The following YWHAB variants were observed in gnomAD, a reference collection of about 807,000 sequenced individuals.
YWHAB encodes 14-3-3 protein beta/alpha.
YWHAB carries 2 observed loss-of-function variants against 28.5 expected under a neutral mutation model. The observed-to-expected ratio is 0.07, with a 90% CI of 0.03 to 0.22. The LOEUF is 0.22. YWHAB is among the 10% of genes least tolerant of loss of function. YWHAB has a pLI of 1.00. For missense variants in YWHAB, 148 were observed against 297.1 expected (o/e 0.50, Z 3.69); for synonymous variants, 103 against 104.7 (o/e 0.98, Z 0.10).
intron 1 of YWHAB, among the ~76,000 whole-genome samples, chr20:44,888,870 C>A (rs532500952): frequency 9.1e-4 from 139 of 152,232 alleles, no homozygotes; most frequent in African/African-American, 3.2e-3. Context: ...GTTTATCTTA[C>A]GACTTCATCA....
rs116900913 is a variant in YWHAB, at chr20:44,895,777, A to G, written c.-3-5754A>G. On this transcript the variant is annotated intron_variant, in intron 1 of 5. Transcript: ENST00000353703. The stretch of plus-strand genomic sequence containing the variant: ...CTGCCATGCCTGACTGGAAGAGTGA[A>G]TTACTCTTTGAATTTCAGAGGGCAC... Among the ~76,000 whole-genome samples the G allele has an allele frequency of 4.1e-4, 63 of 152,342 alleles. No homozygotes were observed. In the East Asian group the frequency reaches 0.012, roughly 28 times the overall value.
At chr20:44,889,853 C>T (rs1026937781) in intron 1 of YWHAB, among the ~76,000 whole-genome samples, 1 of 152,158 alleles carries the variant, frequency 6.6e-6, no homozygotes, top group Non-Finnish European at 1.5e-5. Flanking sequence ...CTTAAGTGAG[C>T]ATTGGAGTTC....
chr20:44,889,912 TTTAAAA>T (rs1444695834), intron 1 of YWHAB, among the ~76,000 whole-genome samples: 1 of 152,138 alleles, frequency 6.6e-6, no homozygotes, highest in Non-Finnish European at 1.5e-5. Context: ...GAGCATTAAT[TTTAAAA>T]TTAATGTTGG....
intron 1 of YWHAB, among the ~76,000 whole-genome samples, chr20:44,894,433 TA>T (rs960248584): frequency 6.6e-6 from 1 of 152,196 alleles, no homozygotes; most frequent in Non-Finnish European, 1.5e-5. Context: ...AGGTCTTGAT[TA>T]AAAACCATCA....
chr20:44,897,554 C>T (rs572856857), intron 1 of YWHAB, among the ~76,000 whole-genome samples: 1 of 152,268 alleles, frequency 6.6e-6, no homozygotes, highest in South Asian at 2.1e-4. Flanking sequence ...TCTCAAAGAC[C>T]TTATGGTCAA....
chr20:44,885,935 A>C (rs2066523547), intron 1 of YWHAB, 49 bp downstream of exon 1: 1 of 152,358 alleles, frequency 6.6e-6, no homozygotes, highest in Admixed American at 6.5e-5. Context: ...CCCAAACTCG[A>C]AGCCCCTCTC....
At position 44,885,739 on chromosome 20, in the gene YWHAB, C is replaced by G. The variant is rs139992012; in HGVS notation, c.-151C>G. On this transcript the variant is annotated 5_prime_UTR_variant, in exon 1 of 6. Coordinates refer to ENST00000353703, the MANE Select transcript of YWHAB (RefSeq NM_139323.4). ...GCTACCGCCACCGCCGCCGCCGATT[C>G]CGGAGCCGGGGTAGTCGCCGCCGCC... 1,868 of 175,754 alleles carry G rather than the reference C, an allele frequency of 0.011. 12 individuals carry two copies. The highest frequency in any genetic ancestry group is 0.016 in the Non-Finnish European group (1,358 of 86,560). The allele number at this position is 175,754 out of a possible 1,614,324, so 10.9% of individuals were successfully genotyped here. A position where few individuals can be genotyped will look rare whatever the true frequency, so the allele number is the denominator to read the frequency against.
intron 1 of YWHAB, among the ~76,000 whole-genome samples, chr20:44,895,101 A>G (rs2066588280): frequency 6.6e-6 from 1 of 152,252 alleles, no homozygotes; most frequent in African/African-American, 2.4e-5. Context: ...GGCTATAAGT[A>G]TATTCAGAGT....
At chr20:44,893,086 C>T (rs2066572954) in intron 1 of YWHAB, among the ~76,000 whole-genome samples, 1 of 152,128 alleles carries the variant, frequency 6.6e-6, no homozygotes. Flanking sequence ...AATGGATTAG[C>T]AGTAGGTAGT....
rs756407085 is a variant in YWHAB, at chr20:44,906,099, A to G, written c.684+3A>G. 6.2e-7 allele frequency: 1 copy of G among 1,606,542 alleles called. No individual in the cohort carries two copies. The highest frequency in any genetic ancestry group is 1.1e-5 in the South Asian group (1 of 90,880). ...AGTTACTTAGGGACAATCTCACTGTAAGTACTACTTCCACAGGGTTTATAG... is the reference window on the plus strand; with the variant it reads ...AGTTACTTAGGGACAATCTCACTGTGAGTACTACTTCCACAGGGTTTATAG... On this transcript the variant is annotated splice_donor_region_variant and intron_variant, in intron 5 of 5. Coordinates refer to ENST00000353703, the MANE Select transcript of YWHAB (RefSeq NM_139323.4).
rs1183489945 is a variant in YWHAB, at chr20:44,904,016, T to C, written c.324T>C (p.Ile108=). The C allele has an allele frequency of 3.1e-6, 5 of 1,597,586 alleles. No homozygotes were observed. In the African/African-American group the frequency reaches 6.8e-5, roughly 22 times the overall value. The change falls in exon 3 of 6, where the codon ATT becomes ATC. Residue 108 remains isoleucine, a synonymous_variant. Transcript: ENST00000353703. ...AGGAGCTGTTGGACAAATATCTTAT[T>C]CCCAATGCTACACAACCAGAAAGTA... is the stretch of plus-strand genomic sequence containing the variant. ...DVLELLDKYL[I]PNATQPESKV...
At chr20:44,905,773 T>C in intron 4 of YWHAB, 1 of 435,328 alleles carries the variant, frequency 2.3e-6, no homozygotes, top group Non-Finnish European at 4.1e-6. Context: ...GCTTAGTTAT[T>C]AGGTACAGCA....
At chr20:44,893,379 AAC>A (rs1235146655) in intron 1 of YWHAB, among the ~76,000 whole-genome samples, 1 of 152,216 alleles carries the variant, frequency 6.6e-6, no homozygotes, top group Non-Finnish European at 1.5e-5. Context: ...TAAACAGAAA[AAC>A]ACTTTTTTTC....
chr20:44,899,474 T>C (rs2145534432), intron 1 of YWHAB, among the ~76,000 whole-genome samples: 1 of 152,312 alleles, frequency 6.6e-6, no homozygotes, highest in South Asian at 2.1e-4. Flanking sequence ...AGTGAGACTC[T>C]GTCTCAAACA....
intron 1 of YWHAB, among the ~76,000 whole-genome samples, chr20:44,895,909 A>C (rs2066593106): frequency 6.6e-6 from 1 of 152,216 alleles, no homozygotes; most frequent in Non-Finnish European, 1.5e-5. Flanking sequence ...CCAACTCTGC[A>C]GTTTTATGCT....
At position 44,906,707 on chromosome 20, in the gene YWHAB, T is replaced by G. The variant is rs2066659867; in HGVS notation, c.*269T>G. 4.1e-6 allele frequency: 1 copy of G among 245,890 alleles called. No individual in the cohort carries two copies. Among genetic ancestry groups the G allele is most frequent in the African/African-American group, 2.2e-5 (1 of 45,108 alleles). The allele number at this position is 245,890 out of a possible 1,614,324, so 15.2% of individuals were successfully genotyped here. On this transcript the variant is annotated 3_prime_UTR_variant, in exon 6 of 6. Coordinates refer to ENST00000353703, the MANE Select transcript of YWHAB (RefSeq NM_139323.4). ...ACTGTGTGTTTAATTTTTTAAAAAC[T>G]GAACACTGTGATTATGGGGTTTTGT...
intron 4 of YWHAB, chr20:44,905,333 A>G (rs1347832061): frequency 1.3e-5 from 6 of 479,830 alleles, no homozygotes; most frequent in Non-Finnish European, 2.1e-5. Context: ...TTGTTTGATT[A>G]CTGTTTTTTG....
chr20:44,905,136 G>GAA lies in YWHAB; in HGVS notation c.588+7_588+8dup, dbSNP rs1386454512. 1 of 1,602,894 alleles carries GAA rather than the reference G, an allele frequency of 6.2e-7. No homozygotes were observed. Among genetic ancestry groups the GAA allele is most frequent in the Non-Finnish European group, 8.5e-7 (1 of 1,176,056 alleles). On this transcript the variant is annotated splice_donor_region_variant and intron_variant, in intron 4 of 5. Transcript: ENST00000353703. ...GCCTGTAGCCTGGCAAAAACGGTGA[G>GAA]AAAGACCCTTTGTGATATCTAACCA...
intron 2 of YWHAB, chr20:44,902,104 T>C: frequency 3.0e-6 from 1 of 332,356 alleles, no homozygotes; most frequent in Non-Finnish European, 5.5e-6. Context: ...CCTCCATCTT[T>C]TAAAATTGAG....
Sources: gnomAD v4.1 joint callset for allele counts (sites outside exome capture counted in the v4.1 genomes callset) on GRCh38, gnomAD v4.1.1 for gene constraint, MANE v1.5 for transcripts, NCBI Gene and HGNC (gene_info 2026-07-23, HGNC 2026-07-21) for gene names.